Variants in CCDC192 observed in about 807,000 individuals in gnomAD.
CCDC192 encodes the protein coiled-coil domain containing 192.
chr5:127,891,010 T>G (rs1231344016), intron 6 of CCDC192, among the ~76,000 whole-genome samples: 6 of 152,198 alleles, frequency 3.9e-5, no homozygotes, highest in Non-Finnish European at 8.8e-5. Context: ...CTCTTCAAAC[T>G]TCTCTCTTCA....
At chr5:127,853,564 G>T (rs546239254) in intron 5 of CCDC192, among the ~76,000 whole-genome samples, 139 of 152,256 alleles carry the variant, frequency 9.1e-4, no homozygotes, top group African/African-American at 3.2e-3. Context: ...CCTGAAGTCA[G>T]GAGTTTGATA....
intron 2 of CCDC192, among the ~76,000 whole-genome samples, chr5:127,739,092 G>A (rs1753222560): frequency 1.3e-5 from 2 of 152,154 alleles, no homozygotes; most frequent in African/African-American, 2.4e-5. Context: ...TGATGGTGAT[G>A]TACAGATGGG....
At chr5:127,865,617 TATC>T (rs1751575994) in intron 5 of CCDC192, among the ~76,000 whole-genome samples, 2 of 150,290 alleles carry the variant, frequency 1.3e-5, no homozygotes, top group Non-Finnish European at 3.0e-5. Context: ...ATGGTTTTCT[TATC>T]ATCAAATCGA....
chr5:127,905,601 A>C lies in CCDC192; in HGVS notation c.535+29940A>C, dbSNP rs999417956. 3.9e-5 allele frequency among the ~76,000 whole-genome samples: 6 copies of C among 152,358 alleles called. No homozygotes were observed. In the East Asian group the frequency reaches 1.2e-3, roughly 29 times the overall value. On this transcript the variant is annotated intron_variant, in intron 6 of 6. Transcript: ENST00000514853. Reference sequence around the variant, plus strand: ...TATTTCACGTTTAAGACCTTTGACAAGATACTAATACACTTTAGCAAAATA... The same window carrying C: ...TATTTCACGTTTAAGACCTTTGACACGATACTAATACACTTTAGCAAAATA...
chr5:127,846,397 C>A (rs1580743289), intron 5 of CCDC192, among the ~76,000 whole-genome samples: 1 of 152,070 alleles, frequency 6.6e-6, no homozygotes, highest in East Asian at 1.9e-4. Context: ...TTATTTTGCA[C>A]CCGTTTTCAC....
intron 5 of CCDC192, among the ~76,000 whole-genome samples, chr5:127,824,472 T>G (rs1209990357): frequency 6.6e-6 from 1 of 152,198 alleles, no homozygotes; most frequent in African/African-American, 2.4e-5. Context: ...TTCTTAATGC[T>G]TTTCTCACTG....
chr5:127,796,945 T>C (rs1361545427), intron 3 of CCDC192, among the ~76,000 whole-genome samples, 158 bp from the exon 4 acceptor site: 1 of 152,232 alleles, frequency 6.6e-6, no homozygotes, highest in African/African-American at 2.4e-5. Context: ...TTTCCTTCTT[T>C]CTCTATGCTA....
chr5:127,754,494 T>TAC (rs67832481), intron 3 of CCDC192, 119 bp downstream of exon 3: 88,391 of 306,006 alleles, frequency 0.29, 7,023 homozygotes, highest in South Asian at 0.43. Context: ...CACACACACA[T>TAC]ACACACACAC....
intron 1 of CCDC192, among the ~76,000 whole-genome samples, chr5:127,704,871 A>G (rs1041382390): frequency 8.5e-6 from 1 of 118,198 alleles, no homozygotes; most frequent in African/African-American, 3.1e-5. Context: ...ATAAATAAAT[A>G]AATAAATAAA....
intron 2 of CCDC192, among the ~76,000 whole-genome samples, chr5:127,713,498 G>A (rs570613777): frequency 6.6e-6 from 1 of 152,176 alleles, no homozygotes; most frequent in Non-Finnish European, 1.5e-5. Flanking sequence ...ATTTTCTCCT[G>A]TCTGTACCTG....
At chr5:127,839,400 T>A (rs1462137553) in intron 5 of CCDC192, among the ~76,000 whole-genome samples, 3 of 152,208 alleles carry the variant, frequency 2.0e-5, no homozygotes, top group Non-Finnish European at 4.4e-5. Context: ...TTATAAAGTA[T>A]GTTTTAATGT....
At chr5:127,802,092 A>G (rs1362286246) in intron 5 of CCDC192, among the ~76,000 whole-genome samples, 1 of 152,170 alleles carries the variant, frequency 6.6e-6, no homozygotes, top group Non-Finnish European at 1.5e-5. Context: ...ACCTCAGGCC[A>G]ATGGCCTCCT....
At chr5:127,807,018 C>T (rs1757825034) in intron 5 of CCDC192, among the ~76,000 whole-genome samples, 1 of 152,128 alleles carries the variant, frequency 6.6e-6, no homozygotes, top group Non-Finnish European at 1.5e-5. Flanking sequence ...GTGGACCTGG[C>T]AAAGGTTACT....
intron 3 of CCDC192, among the ~76,000 whole-genome samples, chr5:127,783,924 T>G (rs1235924253): frequency 1.3e-5 from 2 of 152,200 alleles, no homozygotes; most frequent in South Asian, 2.1e-4. Flanking sequence ...TGCTTTAAAG[T>G]TCATTTTGTC....
chr5:127,859,290 T>C (rs1030170795), intron 5 of CCDC192, among the ~76,000 whole-genome samples: 2 of 152,240 alleles, frequency 1.3e-5, no homozygotes, highest in Admixed American at 6.5e-5. Flanking sequence ...TGTTTGTTAA[T>C]ATTTAACTCA....
At chr5:127,880,749 G>A (rs1383581680) in intron 6 of CCDC192, among the ~76,000 whole-genome samples, 4 of 152,140 alleles carry the variant, frequency 2.6e-5, no homozygotes, top group Non-Finnish European at 5.9e-5. Flanking sequence ...GGAGGCAGAG[G>A]TGGATGGATC....
chr5:127,900,874 A>G (rs1580809777), intron 6 of CCDC192, among the ~76,000 whole-genome samples: 1 of 152,332 alleles, frequency 6.6e-6, no homozygotes, highest in South Asian at 2.1e-4. Context: ...ATCAGAATCT[A>G]TTTGAGTGAA....
intron 5 of CCDC192, among the ~76,000 whole-genome samples, chr5:127,847,535 A>G (rs1193241041): frequency 6.6e-6 from 1 of 152,218 alleles, no homozygotes; most frequent in Non-Finnish European, 1.5e-5. Flanking sequence ...CCTCATAACT[A>G]AAGTAAGTCA....
intron 2 of CCDC192, among the ~76,000 whole-genome samples, chr5:127,713,246 AAAT>A (rs907523373): frequency 1.3e-5 from 2 of 152,042 alleles, no homozygotes; most frequent in African/African-American, 4.8e-5. Context: ...AAAAAAAAAA[AAAT>A]TTAGTCGTTC....
Sources: allele counts gnomAD v4.1 joint callset (sites outside exome capture counted in the v4.1 genomes callset), GRCh38; gene constraint gnomAD v4.1.1; transcripts MANE v1.5; gene names NCBI Gene and HGNC (gene_info 2026-07-23, HGNC 2026-07-21).